IL19: variants seen among roughly 807,000 people sequenced by gnomAD.
The protein encoded by IL19 is interleukin 19, also known as interleukin-19.
Under a neutral mutation model 19.5 loss-of-function variants are expected in IL19, and 15 were observed. The ratio of observed to expected loss-of-function variants is 0.77; its 90% CI spans 0.52 to 1.19. The LOEUF is 1.19. Ranked by LOEUF, IL19 falls within the 50% of genes most tolerant of loss-of-function variation. IL19 has a pLI of 0.00. For missense variants in IL19, 199 were observed against 213.1 expected (o/e 0.93, Z 0.41); for synonymous variants, 78 against 78.3 (o/e 1.00, Z 0.02).
intron 2 of IL19, among the ~76,000 whole-genome samples, chr1:206,806,772 T>A (rs1480027263): frequency 6.6e-6 from 1 of 152,202 alleles, no homozygotes; most frequent in South Asian, 2.1e-4. Flanking sequence ...AATATCATAT[T>A]TTATCCGGAC....
At chr1:206,836,351 G>A (rs1241156465) in intron 2 of IL19, among the ~76,000 whole-genome samples, 2 of 152,016 alleles carry the variant, frequency 1.3e-5, no homozygotes, top group Non-Finnish European at 2.9e-5. Context: ...AAAGTAGGCT[G>A]TGTTGAGTCA....
At chr1:206,803,676 GA>G (rs1161996834) in intron 2 of IL19, among the ~76,000 whole-genome samples, 2 of 152,192 alleles carry the variant, frequency 1.3e-5, no homozygotes, top group African/African-American at 4.8e-5. Flanking sequence ...CATGCTTACA[GA>G]AAACTGCTGG....
rs2243165 is a variant in IL19 at position 206,835,297 on chromosome 1, C to T, written c.-2-1364C>T. Among the ~76,000 whole-genome samples, 1,416 of 152,272 alleles carry T rather than the reference C, an allele frequency of 9.3e-3. 28 individuals carry two copies. The highest frequency in any genetic ancestry group is 0.032 in the African/African-American group (1,321 of 41,528). On this transcript the variant is annotated intron_variant, in intron 2 of 6. Coordinates refer to ENST00000659997, the MANE Select transcript of IL19 (RefSeq NM_153758.5). ...GGGGACTCTCTACAAACTTCCCTGGCAATGGGGCCCATCCTTGTTTAGCCA... is the reference window on the plus strand; with the variant it reads ...GGGGACTCTCTACAAACTTCCCTGGTAATGGGGCCCATCCTTGTTTAGCCA...
chr1:206,842,864 C>A lies in IL19; in HGVS notation c.*242C>A, dbSNP rs981671561. 14 of 422,210 alleles carry A rather than the reference C, an allele frequency of 3.3e-5. No homozygotes were observed. Among genetic ancestry groups the A allele is most frequent in the South Asian group, 7.5e-5 (2 of 26,584 alleles). 26.2% of individuals were successfully genotyped at this position (422,210 alleles called of 1,614,324 possible). Reference sequence around the variant, plus strand: ...ATCCTGGGAGTAAAGGGCTGCCTTCCCATCTAATTTATTGTAAAGTCATAT... The same window carrying A: ...ATCCTGGGAGTAAAGGGCTGCCTTCACATCTAATTTATTGTAAAGTCATAT... On this transcript the variant is annotated 3_prime_UTR_variant, in exon 7 of 7. Coordinates refer to ENST00000659997, the MANE Select transcript of IL19 (RefSeq NM_153758.5).
chr1:206,817,927 C>A, intron 2 of IL19, among the ~76,000 whole-genome samples: 1 of 152,060 alleles, frequency 6.6e-6, no homozygotes, highest in Admixed American at 6.6e-5. Context: ...CCACTACCAG[C>A]TAATAGTAGT....
chr1:206,814,960 C>T (rs1308232029), intron 2 of IL19, among the ~76,000 whole-genome samples: 1 of 152,166 alleles, frequency 6.6e-6, no homozygotes, highest in Non-Finnish European at 1.5e-5. Flanking sequence ...CCTAAAACAA[C>T]AACAATCATT....
At chr1:206,837,758 G>C (rs1019510723) in intron 4 of IL19, among the ~76,000 whole-genome samples, 1 of 152,172 alleles carries the variant, frequency 6.6e-6, no homozygotes, top group Non-Finnish European at 1.5e-5. Flanking sequence ...CGGCTGAGAT[G>C]GGAGGATTGC....
chr1:206,838,441 T>A (rs752516233), intron 4 of IL19, among the ~76,000 whole-genome samples: 1 of 152,226 alleles, frequency 6.6e-6, no homozygotes, highest in Non-Finnish European at 1.5e-5. Flanking sequence ...AAGCAGTGAT[T>A]TATTTGTGGT....
intron 2 of IL19, among the ~76,000 whole-genome samples, chr1:206,815,854 G>C (rs1485893782): frequency 6.6e-6 from 1 of 152,184 alleles, no homozygotes; most frequent in African/African-American, 2.4e-5. Flanking sequence ...ATTGTAGATA[G>C]GTTCTTGAAA....
At chr1:206,840,231 G>T in intron 5 of IL19, 1 of 679,928 alleles carries the variant, frequency 1.5e-6, no homozygotes, top group Non-Finnish European at 2.7e-6. Context: ...TAACCCTCCT[G>T]GGGTGACCAA....
chr1:206,795,739 C>A (rs1675506722), intron 1 of IL19, among the ~76,000 whole-genome samples: 1 of 152,122 alleles, frequency 6.6e-6, no homozygotes, highest in Non-Finnish European at 1.5e-5. Flanking sequence ...CAGAGCCTGC[C>A]CTCAAGTTAT....
chr1:206,822,740 G>A (rs1321087014), intron 2 of IL19, among the ~76,000 whole-genome samples: 1 of 152,116 alleles, frequency 6.6e-6, no homozygotes, highest in African/African-American at 2.4e-5. Flanking sequence ...GGTCTGTGGG[G>A]CCGGGAATAT....
chr1:206,833,585 C>G (rs947964842), intron 2 of IL19: 3 of 768,382 alleles, frequency 3.9e-6, no homozygotes, highest in East Asian at 1.3e-4. Context: ...CAAACCTGAT[C>G]CCTAGAGAAC....
intron 2 of IL19, among the ~76,000 whole-genome samples, chr1:206,813,958 G>C (rs2102469506): frequency 6.6e-6 from 1 of 152,264 alleles, no homozygotes; most frequent in East Asian, 1.9e-4. Context: ...ACAGTTTCCA[G>C]CCTGCCAATC....
At chr1:206,803,975 A>G (rs965027593) in intron 2 of IL19, among the ~76,000 whole-genome samples, 1 of 152,116 alleles carries the variant, frequency 6.6e-6, no homozygotes, top group Non-Finnish European at 1.5e-5. Flanking sequence ...TGGGAGGGAA[A>G]ATTATTCCAG....
chr1:206,778,823 T>C (rs936410157), intron 1 of IL19, among the ~76,000 whole-genome samples: 1 of 152,198 alleles, frequency 6.6e-6, no homozygotes, highest in African/African-American at 2.4e-5. Context: ...CCCTCTTCCT[T>C]GCCAATCTAT....
chr1:206,793,527 C>T (rs572713453), intron 1 of IL19, among the ~76,000 whole-genome samples: 2 of 152,338 alleles, frequency 1.3e-5, no homozygotes, highest in African/African-American at 4.8e-5. Flanking sequence ...ATCGCTCAGA[C>T]CTCTGTCAAG....
intron 2 of IL19, chr1:206,828,897 T>G (rs1401161236): frequency 6.6e-6 from 1 of 152,140 alleles, no homozygotes; most frequent in Non-Finnish European, 1.5e-5. Context: ...AATGGTGAAA[T>G]TATAGCAGAC....
intron 1 of IL19, among the ~76,000 whole-genome samples, chr1:206,794,008 C>G (rs1675464360): frequency 6.6e-6 from 1 of 152,172 alleles, no homozygotes; most frequent in Non-Finnish European, 1.5e-5. Flanking sequence ...TAGAGACCAC[C>G]ACTTAATGTT....
Sources: allele counts gnomAD v4.1 joint callset (sites outside exome capture counted in the v4.1 genomes callset), GRCh38; gene constraint gnomAD v4.1.1; transcripts MANE v1.5; gene names NCBI Gene and HGNC (gene_info 2026-07-23, HGNC 2026-07-21).